Variants in KCNB2 observed in about 807,000 individuals in gnomAD.
KCNB2 encodes the protein delayed rectifier potassium channel protein.
Under a neutral mutation model 61.5 loss-of-function variants are expected in KCNB2, and 15 were observed. The observed-to-expected ratio is 0.24, with a 90% CI of 0.16 to 0.38. The LOEUF (loss-of-function observed/expected upper bound fraction) is 0.38, where lower values mean the gene tolerates loss of function less well. Ranked by LOEUF, KCNB2 falls within the 10% of genes least tolerant of loss-of-function variation. KCNB2 has a pLI of 1.00. For missense variants in KCNB2, 828 were observed against 1,125.2 expected (o/e 0.74, Z 3.78); for synonymous variants, 457 against 446.0 (o/e 1.02, Z -0.31).
At chr8:72,555,897 T>C (rs1806418839) in intron 1 of KCNB2, among the ~76,000 whole-genome samples, 1 of 152,030 alleles carries the variant, frequency 6.6e-6, no homozygotes, top group Admixed American at 6.6e-5. Flanking sequence ...TAAAGGAAAA[T>C]AGAATCCATA....
chr8:72,761,757 G>A (rs1030032706), intron 2 of KCNB2, among the ~76,000 whole-genome samples: 2 of 151,188 alleles, frequency 1.3e-5, no homozygotes, highest in Non-Finnish European at 2.9e-5. Flanking sequence ...CATTAGCTAT[G>A]AAAGTTACGG....
intron 2 of KCNB2, among the ~76,000 whole-genome samples, chr8:72,858,757 T>A (rs550762328): frequency 6.6e-6 from 1 of 152,322 alleles, no homozygotes; most frequent in East Asian, 1.9e-4. Flanking sequence ...GGCCTTGCAA[T>A]TGACTATGGA....
intron 2 of KCNB2, among the ~76,000 whole-genome samples, chr8:72,613,044 C>T (rs540254983): frequency 3.9e-5 from 6 of 152,166 alleles, no homozygotes; most frequent in African/African-American, 1.4e-4. Context: ...AAATAAATGT[C>T]GTGGAATAAA....
At chr8:72,596,854 G>C (rs1159913967) in intron 2 of KCNB2, among the ~76,000 whole-genome samples, 1 of 152,090 alleles carries the variant, frequency 6.6e-6, no homozygotes, top group Non-Finnish European at 1.5e-5. Flanking sequence ...GATGCCAAAT[G>C]TGATGCCTGA....
intron 2 of KCNB2, among the ~76,000 whole-genome samples, chr8:72,890,858 C>T (rs753848584): frequency 3.3e-5 from 5 of 152,166 alleles, no homozygotes; most frequent in Non-Finnish European, 5.9e-5. Flanking sequence ...AATTGAGACT[C>T]TTTAGTGTAG....
At chr8:72,821,647 A>C (rs868005999) in intron 2 of KCNB2, among the ~76,000 whole-genome samples, 22,292 of 146,558 alleles carry the variant, frequency 0.15, 2,314 homozygotes, top group African/African-American at 0.3. Flanking sequence ...AAAACAAAAA[A>C]AAAAAAAAAA....
chr8:72,589,647 A>AT (rs1361051499), intron 2 of KCNB2, among the ~76,000 whole-genome samples: 1 of 152,214 alleles, frequency 6.6e-6, no homozygotes, highest in Admixed American at 6.5e-5. Context: ...CTGTTGACAT[A>AT]TTTTTAAACT....
At chr8:72,584,042 G>A (rs779428601) in intron 2 of KCNB2, among the ~76,000 whole-genome samples, 9 of 149,958 alleles carry the variant, frequency 6.0e-5, no homozygotes, top group Non-Finnish European at 1.2e-4. Flanking sequence ...GTGGTGGTAG[G>A]TTTGTTTTCA....
At chr8:72,799,740 G>T (rs1439313775) in intron 2 of KCNB2, among the ~76,000 whole-genome samples, 1 of 152,144 alleles carries the variant, frequency 6.6e-6, no homozygotes, top group African/African-American at 2.4e-5. Flanking sequence ...GATACCGAAA[G>T]ATGGAGGTAT....
intron 2 of KCNB2, chr8:72,619,011 T>A (rs1805664602): frequency 3.0e-6 from 1 of 328,460 alleles, no homozygotes; most frequent in Non-Finnish European, 5.9e-6. Flanking sequence ...TTTTAGAACA[T>A]CCCTGTTCTG....
chr8:72,745,583 C>T (rs1006281405), intron 2 of KCNB2, among the ~76,000 whole-genome samples: 1 of 152,142 alleles, frequency 6.6e-6, no homozygotes, highest in South Asian at 2.1e-4. Flanking sequence ...TTTCATCATT[C>T]CCCTCTCAGC....
intron 1 of KCNB2, among the ~76,000 whole-genome samples, chr8:72,547,471 T>G (rs1806275962): frequency 6.6e-6 from 1 of 152,172 alleles, no homozygotes; most frequent in East Asian, 1.9e-4. Flanking sequence ...TTAAGAACGT[T>G]TGTGATTGAT....
intron 2 of KCNB2, among the ~76,000 whole-genome samples, chr8:72,685,652 C>T (rs768166304): frequency 4.6e-5 from 7 of 151,412 alleles, no homozygotes; most frequent in East Asian, 3.9e-4. Flanking sequence ...AGTGGCAGAG[C>T]GGTTGAGTCA....
intron 2 of KCNB2, among the ~76,000 whole-genome samples, chr8:72,761,897 T>C (rs1808387380): frequency 6.6e-6 from 1 of 152,352 alleles, no homozygotes; most frequent in Non-Finnish European, 1.5e-5. Flanking sequence ...AAGGCACAGA[T>C]AACTTGTATA....
intron 1 of KCNB2, among the ~76,000 whole-genome samples, chr8:72,567,116 G>T (rs1806636467): frequency 6.6e-6 from 1 of 151,888 alleles, no homozygotes; most frequent in Non-Finnish European, 1.5e-5. Context: ...CACCTGGGAG[G>T]TCAAGACCAG....
intron 2 of KCNB2, among the ~76,000 whole-genome samples, chr8:72,704,036 A>G (rs1356421748): frequency 6.6e-6 from 1 of 152,174 alleles, no homozygotes; most frequent in Non-Finnish European, 1.5e-5. Flanking sequence ...CAGTTTCCAG[A>G]GGGTAGTCAT....
intron 2 of KCNB2, among the ~76,000 whole-genome samples, chr8:72,838,184 G>A (rs10093069): frequency 0.85 from 129,750 of 152,132 alleles, 56,296 homozygotes; most frequent in Middle Eastern, 0.97. Context: ...TTACATAGCT[G>A]TATATGTGCC....
chr8:72,770,619 C>A (rs1359754948), intron 2 of KCNB2, among the ~76,000 whole-genome samples: 1 of 152,178 alleles, frequency 6.6e-6, no homozygotes. Flanking sequence ...TCCTAGGCAA[C>A]ATTTCCTTGA....
Position 72,936,592 on chromosome 8 carries a change from A to G in KCNB2, c.1237A>G (p.Ile413Val). 6.2e-7 allele frequency: 1 copy of G among 1,614,154 alleles called. No homozygotes were observed. Among genetic ancestry groups the G allele is most frequent in the Non-Finnish European group, 8.5e-7 (1 of 1,180,020 alleles). The change falls in exon 3 of 3, where the codon ATC becomes GTC. Residue 413 changes from isoleucine (I) to valine (V), a missense_variant. By Grantham distance (29) the Ile-to-Val change is conservative. This residue lies in a region of KCNB2 where 44 missense variants were observed against 167.6 expected (regional missense o/e 0.26). Coordinates refer to ENST00000523207, the MANE Select transcript of KCNB2 (RefSeq NM_004770.3). This position sits in a 1 kb window ranked among gnomAD's most constrained non-coding sequence, Gnocchi z 5.6. ...IAGVLVIALP[I>V]PIIVNNFSEF... ...TGGGGTTCTGGTTATTGCCCTTCCTATCCCAATTATTGTGAACAATTTTTC... is the reference window on the plus strand; with the variant it reads ...TGGGGTTCTGGTTATTGCCCTTCCTGTCCCAATTATTGTGAACAATTTTTC...
Sources: gnomAD v4.1 joint callset for allele counts (sites outside exome capture counted in the v4.1 genomes callset) on GRCh38, gnomAD v4.1.1 for gene constraint, gnomAD v4.1.1 regional missense constraint, Gnocchi (gnomAD v3.1) non-coding constraint, MANE v1.5 for transcripts, NCBI Gene and HGNC (gene_info 2026-07-23, HGNC 2026-07-21) for gene names.